The following DPH5 variants were observed in gnomAD, a reference collection of about 807,000 sequenced individuals.
The protein encoded by DPH5 is diphthine methyl ester synthase.
In DPH5, 31 loss-of-function variants were observed where a neutral mutation model predicts 31.6. That is an observed-to-expected ratio of 0.98 (90% CI 0.74 to 1.32). The LOEUF is 1.32. Ranked by LOEUF, DPH5 falls within the 40% of genes most tolerant of loss-of-function variation. The pLI, the probability that DPH5 is intolerant of heterozygous loss-of-function variation, is 0.00. For missense variants in DPH5, 309 were observed against 335.7 expected, an observed-to-expected ratio of 0.92 and a Z score of 0.62; for synonymous variants, 120 against 115.0, an observed-to-expected ratio of 1.04 and a Z score of -0.28.
At chr1:101,008,223 T>C (rs17123604) in intron 4 of DPH5, among the ~76,000 whole-genome samples, 17,303 of 152,258 alleles carry the variant, frequency 0.11, 1,038 homozygotes, top group Middle Eastern at 0.2. Context: ...CTAAATGAAC[T>C]ACTCTTAAGT....
chr1:101,003,046 T>A (rs753261860), intron 4 of DPH5, among the ~76,000 whole-genome samples: 2 of 152,176 alleles, frequency 1.3e-5, no homozygotes, highest in Non-Finnish European at 2.9e-5. Context: ...ACCAACAAGG[T>A]TTACTCCCAA....
intron 4 of DPH5, among the ~76,000 whole-genome samples, chr1:101,007,876 A>G (rs1659352214): frequency 6.6e-6 from 1 of 152,188 alleles, no homozygotes; most frequent in Non-Finnish European, 1.5e-5. Flanking sequence ...GGACATCTAA[A>G]CACAACCAAC....
intron 7 of DPH5, among the ~76,000 whole-genome samples, chr1:100,991,495 A>C (rs1265350374): frequency 6.6e-6 from 1 of 152,154 alleles, no homozygotes; most frequent in Non-Finnish European, 1.5e-5. Flanking sequence ...ACAATCACTC[A>C]AGAATCTCTT....
At chr1:101,005,130 G>A (rs138325635) in intron 4 of DPH5, among the ~76,000 whole-genome samples, 6 of 152,222 alleles carry the variant, frequency 3.9e-5, no homozygotes, top group Non-Finnish European at 7.4e-5. Context: ...TAGAAGCATA[G>A]ATGCTTTGTA....
At chr1:101,015,163 C>G (rs1161829017) in intron 3 of DPH5, among the ~76,000 whole-genome samples, 4 of 152,166 alleles carry the variant, frequency 2.6e-5, no homozygotes, top group African/African-American at 7.2e-5. Context: ...AGAAGGTTTT[C>G]AATTTACTTT....
At chr1:101,023,641 C>T (rs542180551) in intron 2 of DPH5, among the ~76,000 whole-genome samples, 1 of 152,228 alleles carries the variant, frequency 6.6e-6, no homozygotes, top group Non-Finnish European at 1.5e-5. Context: ...TCATATACAT[C>T]ATCTCAATAA....
In DPH5 at chr1:100,993,607, G is replaced by A. The variant is rs563135976; in HGVS notation, c.531-867C>T. ...ATATATATATATATATAGCTATTGT[G>A]GCTTACAACACAGTTCAAATAGATT... is the stretch of plus-strand genomic sequence containing the variant. On this transcript the variant is annotated intron_variant, in intron 6 of 7. Coordinates refer to ENST00000370109, the MANE Select transcript of DPH5 (RefSeq NM_015958.3). Among the ~76,000 whole-genome samples, 7 of 86,220 alleles carry A rather than the reference G, an allele frequency of 8.1e-5. No individual in the cohort carries two copies. The East Asian group carries it at 1.5e-3, about 19-fold the overall frequency. 56.6% of individuals were successfully genotyped at this position (86,220 alleles called of 152,430 possible). A position where few individuals can be genotyped will look rare whatever the true frequency, so the allele number is the denominator to read the frequency against.
chr1:101,024,150 T>C (rs115789436), intron 2 of DPH5, among the ~76,000 whole-genome samples: 1 of 152,216 alleles, frequency 6.6e-6, no homozygotes, highest in Non-Finnish European at 1.5e-5. Context: ...CTTGTGCCTA[T>C]ACAATCCCAG....
chr1:101,009,751 C>T (rs1026615013), intron 4 of DPH5, among the ~76,000 whole-genome samples: 2 of 152,190 alleles, frequency 1.3e-5, no homozygotes, highest in Non-Finnish European at 2.9e-5. Context: ...ATTTATGTCA[C>T]TTAGGATAAC....
intron 6 of DPH5, among the ~76,000 whole-genome samples, chr1:100,993,882 A>T (rs1054278067): frequency 2.6e-5 from 4 of 151,634 alleles, no homozygotes; most frequent in African/African-American, 9.7e-5. Context: ...CTGGGATTAC[A>T]GGTGCCTGCC....
At position 100,991,794 on chromosome 1, in the gene DPH5, A is replaced by C. The variant is rs920770032; in HGVS notation, c.634+843T>G. Among the ~76,000 whole-genome samples the C allele has an allele frequency of 8.5e-4, 129 of 151,432 alleles. 1 individual carries two copies. Among genetic ancestry groups the C allele is most frequent in the Non-Finnish European group, 1.5e-3 (105 of 67,828 alleles). On this transcript the variant is annotated intron_variant, in intron 7 of 7. Coordinates refer to ENST00000370109, the MANE Select transcript of DPH5 (RefSeq NM_015958.3). Reference sequence around the variant, plus strand: ...ACAAAGCAAGACCCCATCTCAAAAAAAAAAAAAAAGTCTCACAGTGGGCCA... The same window carrying C: ...ACAAAGCAAGACCCCATCTCAAAAACAAAAAAAAAGTCTCACAGTGGGCCA...
chr1:101,002,384 G>A (rs1277700525), intron 4 of DPH5, among the ~76,000 whole-genome samples: 2 of 152,084 alleles, frequency 1.3e-5, no homozygotes, highest in African/African-American at 4.8e-5. Flanking sequence ...TGATATTACT[G>A]TAAGATTTTA....
At chr1:101,016,038 G>A (rs1660050189) in intron 3 of DPH5, among the ~76,000 whole-genome samples, 1 of 152,168 alleles carries the variant, frequency 6.6e-6, no homozygotes, top group Non-Finnish European at 1.5e-5. Flanking sequence ...GCATTCGTAA[G>A]AGTAGCACTT....
chr1:101,013,323 G>T (rs1463296767), intron 4 of DPH5, among the ~76,000 whole-genome samples: 1 of 152,108 alleles, frequency 6.6e-6, no homozygotes, highest in Non-Finnish European at 1.5e-5. Context: ...CTGGCTTTTA[G>T]CTTTTATACT....
chr1:100,994,543 T>C (rs990162312), intron 6 of DPH5, among the ~76,000 whole-genome samples: 4 of 151,750 alleles, frequency 2.6e-5, no homozygotes, highest in Non-Finnish European at 5.9e-5. Flanking sequence ...CCCATGCCTT[T>C]TTTTTTTTTT....
Position 101,001,603 on chromosome 1 carries a change from T to C in DPH5, c.370-16A>G, listed in dbSNP as rs1158908311. ...ACTTATATAACTAGAAAAAAAAACA[T>C]TAATTAATGATGGAACAATTAACTA... is the stretch of plus-strand genomic sequence containing the variant. On this transcript the variant is annotated splice_polypyrimidine_tract_variant and intron_variant, in intron 4 of 7. Transcript: ENST00000370109. The C allele has an allele frequency of 2.0e-6, 3 of 1,511,270 alleles. No individual in the cohort carries two copies. The East Asian group carries it at 6.8e-5, about 34-fold the overall frequency. The allele number at this position is 1,511,270 out of a possible 1,614,324, so 93.6% of individuals were successfully genotyped here.
intron 5 of DPH5, among the ~76,000 whole-genome samples, chr1:100,997,201 C>T (rs1658429212): frequency 6.6e-6 from 1 of 152,102 alleles, no homozygotes; most frequent in Non-Finnish European, 1.5e-5. Flanking sequence ...AACTAGATTT[C>T]AAAGCTTTGA....
chr1:101,016,092 C>T (rs1660054835), intron 3 of DPH5, among the ~76,000 whole-genome samples: 1 of 152,176 alleles, frequency 6.6e-6, no homozygotes, highest in Non-Finnish European at 1.5e-5. Context: ...CAGTGGCTCA[C>T]ATCTGTAATC....
chr1:101,011,330 T>C (rs1370354445), intron 4 of DPH5, among the ~76,000 whole-genome samples: 5 of 152,236 alleles, frequency 3.3e-5, no homozygotes, highest in African/African-American at 1.2e-4. Context: ...GATCACTATA[T>C]AAGACAGAAC....
Sources: gnomAD v4.1 joint callset for allele counts (sites outside exome capture counted in the v4.1 genomes callset) on GRCh38, gnomAD v4.1.1 for gene constraint, MANE v1.5 for transcripts, NCBI Gene and HGNC (gene_info 2026-07-23, HGNC 2026-07-21) for gene names.